The following ARHGAP18 variants were observed in gnomAD, a reference collection of about 807,000 sequenced individuals.
ARHGAP18 encodes Rho GTPase activating protein 18.
ARHGAP18 carries 67 observed loss-of-function variants against 86.2 expected under a neutral mutation model. That is an observed-to-expected ratio of 0.78 (90% CI 0.64 to 0.95). The LOEUF (loss-of-function observed/expected upper bound fraction) is 0.95, where lower values mean the gene tolerates loss of function less well. Ranked by LOEUF, ARHGAP18 falls within the 40% of genes least tolerant of loss-of-function variation. ARHGAP18 has a pLI of 0.00. For synonymous variants in ARHGAP18, 283 were observed against 280.4 expected, an observed-to-expected ratio of 1.01 and a Z score of -0.09; for missense variants, 691 against 780.4, an observed-to-expected ratio of 0.89 and a Z score of 1.37.
At chr6:129,703,222 A>G (rs1406842142) in intron 1 of ARHGAP18, among the ~76,000 whole-genome samples, 2 of 152,226 alleles carry the variant, frequency 1.3e-5, no homozygotes, top group Admixed American at 1.3e-4. Context: ...TGTTCTGGCA[A>G]TGAGTCCAAT....
At chr6:129,656,630 C>A (rs534498233) in intron 1 of ARHGAP18, among the ~76,000 whole-genome samples, 6 of 151,172 alleles carry the variant, frequency 4.0e-5, no homozygotes, top group African/African-American at 1.5e-4. Context: ...GGCGACAAAG[C>A]GAGATTCCGT....
chr6:129,587,967 G>A (rs144824796), intron 12 of ARHGAP18, among the ~76,000 whole-genome samples: 126 of 152,204 alleles, frequency 8.3e-4, no homozygotes, highest in African/African-American at 2.9e-3. Context: ...CCACCTATGA[G>A]CCTGCAAAAT....
rs971838979 is a variant in ARHGAP18, at chr6:129,704,683, G to A, written c.113+5341C>T. 7.2e-5 allele frequency among the ~76,000 whole-genome samples: 11 copies of A among 152,152 alleles called. No individual in the cohort carries two copies. In the East Asian group the frequency reaches 1.5e-3, roughly 21 times the overall value. On this transcript the variant is annotated intron_variant, in intron 1 of 14. Transcript: ENST00000368149. ...TCATTACTAAAACAACTGAAACCCT[G>A]GCCCAAACCACCACTGCCTTAACCT...
At chr6:129,676,681 A>G (rs1774236257) in intron 1 of ARHGAP18, among the ~76,000 whole-genome samples, 1 of 152,028 alleles carries the variant, frequency 6.6e-6, no homozygotes, top group South Asian at 2.1e-4. Context: ...ACTGCATAAC[A>G]CTCATCAGGG....
intron 1 of ARHGAP18, among the ~76,000 whole-genome samples, chr6:129,709,350 G>A (rs1488968321): frequency 1.3e-5 from 2 of 152,034 alleles, no homozygotes; most frequent in African/African-American, 4.8e-5. Context: ...TACCCTTTGC[G>A]CCTCAGTGGT....
chr6:129,685,030 G>T (rs148426410), intron 1 of ARHGAP18, among the ~76,000 whole-genome samples: 234 of 152,266 alleles, frequency 1.5e-3, no homozygotes, highest in African/African-American at 5.5e-3. Flanking sequence ...CTCAGACTCC[G>T]GCGGTGGACA....
intron 1 of ARHGAP18, among the ~76,000 whole-genome samples, chr6:129,649,844 C>T (rs1012864956): frequency 4.6e-5 from 7 of 151,598 alleles, no homozygotes; most frequent in Non-Finnish European, 5.9e-5. Flanking sequence ...ACAACCAATT[C>T]ATAGGTGCTG....
intron 1 of ARHGAP18, among the ~76,000 whole-genome samples, chr6:129,686,971 TTTTTTTC>T (rs1250308658): frequency 1.3e-4 from 8 of 59,698 alleles, no homozygotes; most frequent in East Asian, 3.8e-4. Flanking sequence ...TTTTTTCTTT[TTTTTTTC>T]TTTTTTTTTT....
chr6:129,625,771 A>G (rs1360021072), intron 5 of ARHGAP18, among the ~76,000 whole-genome samples: 1 of 59,180 alleles, frequency 1.7e-5, no homozygotes, highest in African/African-American at 6.2e-5. Context: ...TATATTATAT[A>G]TATTTATATA....
At chr6:129,618,903 T>C in intron 5 of ARHGAP18, 51 bp from the exon 6 acceptor site, 12 of 1,517,692 alleles carry the variant, frequency 7.9e-6, no homozygotes, top group Non-Finnish European at 1.1e-5. Flanking sequence ...CTAACCTCCA[T>C]TGTAATGCAG....
intron 12 of ARHGAP18, among the ~76,000 whole-genome samples, chr6:129,586,808 A>G (rs1204368059): frequency 6.6e-6 from 1 of 152,142 alleles, no homozygotes; most frequent in African/African-American, 2.4e-5. Flanking sequence ...CTGTTTGGAT[A>G]AAAAGGCCCA....
intron 3 of ARHGAP18, among the ~76,000 whole-genome samples, chr6:129,635,567 G>A (rs1308389593): frequency 1.3e-5 from 2 of 152,146 alleles, no homozygotes; most frequent in Non-Finnish European, 2.9e-5. Context: ...GCATGTGGTC[G>A]GAATTATTTT....
At chr6:129,601,943 A>T (rs185452749) in intron 10 of ARHGAP18, among the ~76,000 whole-genome samples, 33 of 152,178 alleles carry the variant, frequency 2.2e-4, no homozygotes, top group East Asian at 7.7e-4. Context: ...AATTTTTTTT[A>T]AAATGAATGA....
At chr6:129,616,736 C>T (rs1789107012) in intron 6 of ARHGAP18, among the ~76,000 whole-genome samples, 1 of 151,996 alleles carries the variant, frequency 6.6e-6, no homozygotes, top group African/African-American at 2.4e-5. Flanking sequence ...TTGCTTGAGC[C>T]CAGGAGTTCA....
chr6:129,603,062 C>A (rs13214288), intron 10 of ARHGAP18, among the ~76,000 whole-genome samples: 1 of 151,198 alleles, frequency 6.6e-6, no homozygotes, highest in African/African-American at 2.4e-5. Context: ...AGTTCTTTTG[C>A]GGTGATTTCT....
At chr6:129,591,520 A>G (rs573730225) in intron 12 of ARHGAP18, among the ~76,000 whole-genome samples, 30 of 152,308 alleles carry the variant, frequency 2.0e-4, no homozygotes, top group Admixed American at 5.2e-4. Context: ...ATGACCTCAT[A>G]TGGTCTTCAC....
chr6:129,652,689 A>T (rs996976629), intron 1 of ARHGAP18, among the ~76,000 whole-genome samples: 3 of 152,220 alleles, frequency 2.0e-5, no homozygotes, highest in Non-Finnish European at 2.9e-5. Context: ...GGGATCCAAG[A>T]AAAGTATTTA....
At chr6:129,681,774 G>C (rs778286176) in intron 1 of ARHGAP18, among the ~76,000 whole-genome samples, 48 of 152,200 alleles carry the variant, frequency 3.2e-4, no homozygotes, top group Non-Finnish European at 6.0e-4. Context: ...CTGTGAGACA[G>C]TCCAAAGACA....
chr6:129,689,828 T>G (rs963758956), intron 1 of ARHGAP18, among the ~76,000 whole-genome samples: 3 of 152,208 alleles, frequency 2.0e-5, no homozygotes, highest in Admixed American at 2.0e-4. Flanking sequence ...CACAGAAACC[T>G]GGAAAACAGC....
Sources: gnomAD v4.1 joint callset for allele counts (sites outside exome capture counted in the v4.1 genomes callset) on GRCh38, gnomAD v4.1.1 for gene constraint, MANE v1.5 for transcripts, NCBI Gene and HGNC (gene_info 2026-07-23, HGNC 2026-07-21) for gene names.